The following OR5AN1 variants were observed in gnomAD, a reference collection of about 807,000 sequenced individuals.
OR5AN1 encodes olfactory receptor 5AN1.
For synonymous variants in OR5AN1, 167 were observed against 131.8 expected, an observed-to-expected ratio of 1.27 and a Z score of -1.83; for missense variants, 476 against 368.9, an observed-to-expected ratio of 1.29 and a Z score of -2.38.
At position 59,368,488 on chromosome 11, in the gene OR5AN1, A is replaced by G. The variant is rs1311774935; in HGVS notation, c.*3094A>G. The G allele has an allele frequency of 6.6e-6, 1 of 152,282 alleles. No individual in the cohort carries two copies. The highest frequency in any genetic ancestry group is 2.4e-5 in the African/African-American group (1 of 41,456). The allele number at this position is 152,282 out of a possible 1,614,324, so 9.4% of individuals were successfully genotyped here. A position where few individuals can be genotyped will look rare whatever the true frequency, so the allele number is the denominator to read the frequency against. Reference sequence around the variant, plus strand: ...CTCCAACTAATGAATGAGCAAAGACACTAAGTGCTTTATCCACACCTCTAA... The same window carrying G: ...CTCCAACTAATGAATGAGCAAAGACGCTAAGTGCTTTATCCACACCTCTAA... On this transcript the variant is annotated 3_prime_UTR_variant, in exon 2 of 2. Coordinates refer to ENST00000641998, the MANE Select transcript of OR5AN1 (RefSeq NM_001004729.2).
chr11:59,364,480 A>G lies in OR5AN1; in HGVS notation c.22A>G (p.Thr8Ala), dbSNP rs758293269. 8.7e-6 allele frequency: 14 copies of G among 1,610,580 alleles called. No homozygotes were observed. The East Asian group carries it at 2.9e-4, about 33-fold the overall frequency. Reference sequence around the variant, plus strand: ...GCCAATGACTGGGGGAGGAAATATTACAGAAATCACCTATTTCATCCTGCT... The same window carrying G: ...GCCAATGACTGGGGGAGGAAATATTGCAGAAATCACCTATTTCATCCTGCT... MTGGGNI[T>A]EITYFILLGF... Residue 8 changes from threonine (T) to alanine (A), a missense_variant, in exon 2 of 2, where the codon ACA becomes GCA. Coordinates refer to ENST00000641998, the MANE Select transcript of OR5AN1 (RefSeq NM_001004729.2).
Position 59,365,080 on chromosome 11 carries a change from G to A in OR5AN1, c.622G>A (p.Gly208Arg). ...VMTAILTMFF[G>R]IASALVIMIS... ...GACTGCTATATTAACCATGTTCTTTGGGATAGCAAGTGCCCTAGTTATCAT... is the reference window on the plus strand; with the variant it reads ...GACTGCTATATTAACCATGTTCTTTAGGATAGCAAGTGCCCTAGTTATCAT... The change falls in exon 2 of 2, where the codon GGG (glycine) becomes AGG (arginine). Residue 208 changes from glycine to arginine, a missense_variant. Physicochemically the swap from Gly to Arg is moderately radical, Grantham distance 125. Coordinates refer to ENST00000641998, the MANE Select transcript of OR5AN1 (RefSeq NM_001004729.2). The A allele has an allele frequency of 6.2e-7, 1 of 1,614,050 alleles. No individual in the cohort carries two copies. The highest frequency in any genetic ancestry group is 8.5e-7 in the Non-Finnish European group (1 of 1,179,972).
Position 59,364,902 on chromosome 11 carries a change from A to C in OR5AN1, c.444A>C (p.Gly148=). 6.2e-7 allele frequency: 1 copy of C among 1,614,008 alleles called. No individual in the cohort carries two copies. Among genetic ancestry groups the C allele is most frequent in the African/African-American group, 1.3e-5 (1 of 75,006 alleles). The change falls in exon 2 of 2, where the codon GGA becomes GGC. Residue 148 remains glycine (G), a synonymous_variant. Coordinates refer to ENST00000641998, the MANE Select transcript of OR5AN1 (RefSeq NM_001004729.2). ...CCCTCTGTGTTTGGATGGTACTGGG[A>C]GCCTACATGACTGGCCTCACTGCTT... ...SPTLCVWMVL[G]AYMTGLTASL...
rs948241136 is a variant in OR5AN1 at position 59,369,393 on chromosome 11, CT to C, written c.*4000del. ...GAATCACAATAAAGTGACACAGAAG[CT>C]GAAAGAAAAATAGCCAGTATAAAAA... On this transcript the variant is annotated 3_prime_UTR_variant, in exon 2 of 2. Coordinates refer to ENST00000641998, the MANE Select transcript of OR5AN1 (RefSeq NM_001004729.2). The C allele has an allele frequency of 2.0e-5, 3 of 151,984 alleles. No individual in the cohort carries two copies. The highest frequency in any genetic ancestry group is 2.9e-5 in the Non-Finnish European group (2 of 67,960). The allele number at this position is 151,984 out of a possible 1,614,324, so 9.4% of individuals were successfully genotyped here.
chr11:59,365,026 T>A lies in OR5AN1; in HGVS notation c.568T>A (p.Cys190Ser). 6.2e-7 allele frequency: 1 copy of A among 1,614,154 alleles called. No homozygotes were observed. Among genetic ancestry groups the A allele is most frequent in the Non-Finnish European group, 8.5e-7 (1 of 1,179,982 alleles). ...CATGCCCCAACTGTTAATCTTGTCC[T>A]GTACTGACACTTTCTTTGTACAGGT... ...CDMPQLLILS[C>S]TDTFFVQVMT... The change falls in exon 2 of 2, where the codon TGT (cysteine) becomes AGT (serine). Residue 190 changes from cysteine to serine, a missense_variant. Coordinates refer to ENST00000641998, the MANE Select transcript of OR5AN1 (RefSeq NM_001004729.2).
rs1857585577 is a variant in OR5AN1 at position 59,370,754 on chromosome 11, C to T, written c.*5360C>T. 1 of 152,136 alleles carries T rather than the reference C, an allele frequency of 6.6e-6. No individual in the cohort carries two copies. Among genetic ancestry groups the T allele is most frequent in the South Asian group, 2.1e-4 (1 of 4,830 alleles). 9.4% of individuals were successfully genotyped at this position (152,136 alleles called of 1,614,324 possible). A position where few individuals can be genotyped will look rare whatever the true frequency, so the allele number is the denominator to read the frequency against. ...ATTGCTATAGGAAGGCTCTGCAGTC[C>T]AGTTAAGGAGCTGCAGCAACACAGT... On this transcript the variant is annotated 3_prime_UTR_variant, in exon 2 of 2. Coordinates refer to ENST00000641998, the MANE Select transcript of OR5AN1 (RefSeq NM_001004729.2).
intron 1 of OR5AN1, among the ~76,000 whole-genome samples, chr11:59,363,291 A>G (rs1857484465): frequency 6.6e-6 from 1 of 152,194 alleles, no homozygotes; most frequent in African/African-American, 2.4e-5. Flanking sequence ...TCCTTACATT[A>G]TTAGTAGTAA....
chr11:59,365,427 GC>G lies in OR5AN1; in HGVS notation c.*36del. 1 of 1,336,810 alleles carries G rather than the reference GC, an allele frequency of 7.5e-7. No homozygotes were observed. The highest frequency in any genetic ancestry group is 1.0e-6 in the Non-Finnish European group (1 of 967,400). 82.8% of individuals were successfully genotyped at this position (1,336,810 alleles called of 1,614,324 possible). A position where few individuals can be genotyped will look rare whatever the true frequency, so the allele number is the denominator to read the frequency against. Reference sequence around the variant, plus strand: ...GATTCTGAGATTTCTGCCAGATATGGCCCATCAGAATCTCCCTAACCCACAA... The same window carrying G: ...GATTCTGAGATTTCTGCCAGATATGGCCATCAGAATCTCCCTAACCCACAA... On this transcript the variant is annotated 3_prime_UTR_variant, in exon 2 of 2. Coordinates refer to ENST00000641998, the MANE Select transcript of OR5AN1 (RefSeq NM_001004729.2).
In OR5AN1 at chr11:59,364,634, C is replaced by T. The variant is rs747522885; in HGVS notation, c.176C>T (p.Pro59Leu). The T allele has an allele frequency of 2.5e-6, 4 of 1,614,042 alleles. No homozygotes were observed. In the South Asian group the frequency reaches 3.3e-5, roughly 13 times the overall value. ...AGGATGGATTCCCACCTCCATACAC[C>T]CATGTATTTCTTCCTCAGTAACCTG... Reference protein sequence around the residue: ...LIRMDSHLHTPMYFFLSNLSF... With the variant: ...LIRMDSHLHTLMYFFLSNLSF... Residue 59 changes from proline (P) to leucine (L), a missense_variant, in exon 2 of 2, where the codon CCC becomes CTC. By Grantham distance (98) the Pro-to-Leu change is moderately conservative. Transcript: ENST00000641998.
At position 59,366,853 on chromosome 11, in the gene OR5AN1, G is replaced by A. The variant is rs553382572; in HGVS notation, c.*1459G>A. 1 of 152,278 alleles carries A rather than the reference G, an allele frequency of 6.6e-6. No homozygotes were observed. Among genetic ancestry groups the A allele is most frequent in the African/African-American group, 2.4e-5 (1 of 41,562 alleles). The allele number at this position is 152,278 out of a possible 1,614,324, so 9.4% of individuals were successfully genotyped here. A position where few individuals can be genotyped will look rare whatever the true frequency, so the allele number is the denominator to read the frequency against. On this transcript the variant is annotated 3_prime_UTR_variant, in exon 2 of 2. Coordinates refer to ENST00000641998, the MANE Select transcript of OR5AN1 (RefSeq NM_001004729.2). ...GTTTTACTGTTATACCAACTTCACA[G>A]ATGAATAAACTTAGGCCAGAGAAAT...
At position 59,365,558 on chromosome 11, in the gene OR5AN1, G is replaced by T. The variant is rs888684078; in HGVS notation, c.*164G>T. 2 of 553,062 alleles carry T rather than the reference G, an allele frequency of 3.6e-6. No individual in the cohort carries two copies. Among genetic ancestry groups the T allele is most frequent in the African/African-American group, 3.8e-5 (2 of 52,742 alleles). The allele number at this position is 553,062 out of a possible 1,614,324, so 34.3% of individuals were successfully genotyped here. A position where few individuals can be genotyped will look rare whatever the true frequency, so the allele number is the denominator to read the frequency against. Reference sequence around the variant, plus strand: ...AATATGCCAATATGGACCAACAGATGACTCAATGCCACAGACATCAGGATC... The same window carrying T: ...AATATGCCAATATGGACCAACAGATTACTCAATGCCACAGACATCAGGATC... On this transcript the variant is annotated 3_prime_UTR_variant, in exon 2 of 2. Coordinates refer to ENST00000641998, the MANE Select transcript of OR5AN1 (RefSeq NM_001004729.2).
At chr11:59,362,891 A>G (rs1271296780) in intron 1 of OR5AN1, among the ~76,000 whole-genome samples, 2 of 152,240 alleles carry the variant, frequency 1.3e-5, no homozygotes, top group Non-Finnish European at 2.9e-5. Context: ...TTCAAGATCC[A>G]TCATAATTTG....
rs937973882 is a variant in OR5AN1 at position 59,370,317 on chromosome 11, A to T, written c.*4923A>T. The stretch of plus-strand genomic sequence containing the variant: ...CCCCACTAAAAAGGCACAGAGTGGC[A>T]AGCAGGATAAAAAAGGAAGACCCAA... On this transcript the variant is annotated 3_prime_UTR_variant, in exon 2 of 2. Coordinates refer to ENST00000641998, the MANE Select transcript of OR5AN1 (RefSeq NM_001004729.2). The T allele has an allele frequency of 2.0e-5, 3 of 152,224 alleles. No individual in the cohort carries two copies. Among genetic ancestry groups the T allele is most frequent in the Admixed American group, 2.0e-4 (3 of 15,270 alleles). The allele number at this position is 152,224 out of a possible 1,614,324, so 9.4% of individuals were successfully genotyped here. A position where few individuals can be genotyped will look rare whatever the true frequency, so the allele number is the denominator to read the frequency against.
rs533633536 is a variant in OR5AN1, at chr11:59,366,440, G to A, written c.*1046G>A. Reference sequence around the variant, plus strand: ...CCCAGCTGATCTCCAGATGATCTGAGGATATGTGAGTGATAATAAATGAAT... The same window carrying A: ...CCCAGCTGATCTCCAGATGATCTGAAGATATGTGAGTGATAATAAATGAAT... On this transcript the variant is annotated 3_prime_UTR_variant, in exon 2 of 2. Coordinates refer to ENST00000641998, the MANE Select transcript of OR5AN1 (RefSeq NM_001004729.2). The A allele has an allele frequency of 9.2e-5, 14 of 152,286 alleles. No individual in the cohort carries two copies. The highest frequency in any genetic ancestry group is 3.4e-4 in the African/African-American group (14 of 41,556). 9.4% of individuals were successfully genotyped at this position (152,286 alleles called of 1,614,324 possible).
In OR5AN1 at chr11:59,368,828, C is replaced by G. The variant is rs1182494188; in HGVS notation, c.*3434C>G. 1 of 152,236 alleles carries G rather than the reference C, an allele frequency of 6.6e-6. No homozygotes were observed. The highest frequency in any genetic ancestry group is 1.5e-5 in the Non-Finnish European group (1 of 68,074). 9.4% of individuals were successfully genotyped at this position (152,236 alleles called of 1,614,324 possible). On this transcript the variant is annotated 3_prime_UTR_variant, in exon 2 of 2. Transcript: ENST00000641998. ...CAGCCCAGGAGTGCTGAATCAGGAA[C>G]TACAGGCAGCACTCAGGGGGAGAGG...
intron 1 of OR5AN1, among the ~76,000 whole-genome samples, chr11:59,362,102 A>T (rs1244850263): frequency 6.6e-6 from 1 of 152,166 alleles, no homozygotes; most frequent in African/African-American, 2.4e-5. Flanking sequence ...CCAGAAAAGT[A>T]GAATTACCTT....
intron 1 of OR5AN1, among the ~76,000 whole-genome samples, chr11:59,363,426 G>A (rs4939284): frequency 0.71 from 108,672 of 152,016 alleles, 39,159 homozygotes; most frequent in East Asian, 0.81. Flanking sequence ...CTAAAATTGA[G>A]ACAATAGTTG....
At chr11:59,364,385 G>A (rs1277966405) in intron 1 of OR5AN1, 61 bp from the exon 2 acceptor site, 10 of 983,608 alleles carry the variant, frequency 1.0e-5, no homozygotes, top group South Asian at 7.8e-5. Context: ...ATATGAAGAC[G>A]GTAATGTTAT....
Position 59,370,111 on chromosome 11 carries a change from G to A in OR5AN1, c.*4717G>A, listed in dbSNP as rs1293467944. The A allele has an allele frequency of 6.6e-6, 1 of 152,184 alleles. No individual in the cohort carries two copies. The highest frequency in any genetic ancestry group is 2.4e-5 in the African/African-American group (1 of 41,438). 9.4% of individuals were successfully genotyped at this position (152,184 alleles called of 1,614,324 possible). On this transcript the variant is annotated 3_prime_UTR_variant, in exon 2 of 2. Transcript: ENST00000641998. ...TGCCTTACAAGAGATCTTGAAAGGA[G>A]CAGTAAATATAGAAAGGAAAAACTG... is the stretch of plus-strand genomic sequence containing the variant.
Sources: gnomAD v4.1 joint callset for allele counts (sites outside exome capture counted in the v4.1 genomes callset) on GRCh38, gnomAD v4.1.1 for gene constraint, MANE v1.5 for transcripts, NCBI Gene and HGNC (gene_info 2026-07-23, HGNC 2026-07-21) for gene names.